The following GLB1L2 variants were observed in gnomAD, a reference collection of about 807,000 sequenced individuals.
GLB1L2 encodes the protein galactosidase beta 1 like 2.
Under a neutral mutation model 84.1 loss-of-function variants are expected in GLB1L2, and 68 were observed. The ratio of observed to expected loss-of-function variants is 0.81; its 90% CI spans 0.67 to 0.99. The LOEUF is 0.99. Ranked by LOEUF, GLB1L2 falls within the 50% of genes least tolerant of loss-of-function variation. The pLI is 0.00. For synonymous variants in GLB1L2, 290 were observed against 318.0 expected (o/e 0.91, Z 0.94); for missense variants, 762 against 805.6 (o/e 0.95, Z 0.66).
Position 134,364,324 on chromosome 11 carries a change from A to T in GLB1L2, c.734-4A>T. The T allele has an allele frequency of 6.2e-7, 1 of 1,612,806 alleles. No homozygotes were observed. The highest frequency in any genetic ancestry group is 1.1e-5 in the South Asian group (1 of 91,002). On this transcript the variant is annotated splice_polypyrimidine_tract_variant and splice_region_variant and intron_variant, in intron 7 of 18. Coordinates refer to ENST00000535456, the MANE Select transcript of GLB1L2 (RefSeq NM_001370461.1). Reference sequence around the variant, plus strand: ...GTCTCTCTCTCTCCTCTTCCCTTTAACAGTCTTGGCCACCATCAACTTGCA... The same window carrying T: ...GTCTCTCTCTCTCCTCTTCCCTTTATCAGTCTTGGCCACCATCAACTTGCA...
chr11:134,341,703 C>T (rs1486182792), intron 1 of GLB1L2, among the ~76,000 whole-genome samples: 2 of 152,178 alleles, frequency 1.3e-5, no homozygotes, highest in African/African-American at 4.8e-5. Flanking sequence ...ATTTCTTTGC[C>T]TGAGAGTGGC....
intron 7 of GLB1L2, chr11:134,360,383 G>GT (rs1313743434): frequency 6.6e-6 from 1 of 152,294 alleles, no homozygotes; most frequent in African/African-American, 2.4e-5. Context: ...CCCAGACCTC[G>GT]TGTCTCCGGC....
chr11:134,374,196 TTTC>T lies in GLB1L2; in HGVS notation c.1653_1655del (p.Phe551del). 6.2e-7 allele frequency: 1 copy of T among 1,614,198 alleles called. No homozygotes were observed. The highest frequency in any genetic ancestry group is 8.5e-7 in the Non-Finnish European group (1 of 1,180,012). ...TCCCAGAAACACCCACATTACCTGC[TTTC>T]TTCTTGGGTAGCTTGTCCATCAGCT... On this transcript the variant is annotated inframe_deletion, in exon 17 of 19. Coordinates refer to ENST00000535456, the MANE Select transcript of GLB1L2 (RefSeq NM_001370461.1).
At chr11:134,362,031 G>C (rs1248084914) in intron 7 of GLB1L2, among the ~76,000 whole-genome samples, 1 of 152,270 alleles carries the variant, frequency 6.6e-6, no homozygotes, top group Admixed American at 6.5e-5. Context: ...CGTGTCTTTC[G>C]TGGTGCTCCA....
At chr11:134,358,161 A>G (rs2136278118) in intron 6 of GLB1L2, among the ~76,000 whole-genome samples, 1 of 152,354 alleles carries the variant, frequency 6.6e-6, no homozygotes, top group East Asian at 1.9e-4. Flanking sequence ...TTCAGCGGAA[A>G]TAAACAGTCT....
At chr11:134,351,545 C>G (rs1014613456) in intron 5 of GLB1L2, among the ~76,000 whole-genome samples, 1 of 151,994 alleles carries the variant, frequency 6.6e-6, no homozygotes, top group Non-Finnish European at 1.5e-5. Flanking sequence ...GGGTTTTACC[C>G]TGTTGATCAG....
chr11:134,351,583 G>A (rs568368907), intron 5 of GLB1L2, among the ~76,000 whole-genome samples: 9 of 152,192 alleles, frequency 5.9e-5, no homozygotes, highest in Admixed American at 2.6e-4. Flanking sequence ...GACCTCAGGT[G>A]ATCCACCTGC....
chr11:134,340,721 G>T (rs1373332062), intron 1 of GLB1L2, among the ~76,000 whole-genome samples: 5 of 152,222 alleles, frequency 3.3e-5, no homozygotes, highest in African/African-American at 1.2e-4. Flanking sequence ...TGCAGGCCAC[G>T]CAGTCTATCG....
At chr11:134,371,530 C>T (rs576535688) in intron 14 of GLB1L2, 38 bp downstream of exon 14, 102 of 1,286,018 alleles carry the variant, frequency 7.9e-5, no homozygotes, top group East Asian at 2.5e-4. Context: ...GGCTAGCCCC[C>T]GCTGCTTCGA....
In GLB1L2 at chr11:134,370,451, T is replaced by A. The variant is rs1364003789; in HGVS notation, c.1215+52T>A. 1 of 1,428,984 alleles carries A rather than the reference T, an allele frequency of 7.0e-7. No homozygotes were observed. Among genetic ancestry groups the A allele is most frequent in the East Asian group, 2.3e-5 (1 of 43,814 alleles). The allele number at this position is 1,428,984 out of a possible 1,614,324, so 88.5% of individuals were successfully genotyped here. ...GGTGAGTGAGTGCCGGGGGCAGTCG[T>A]TGGCAGGGAGGTGAGTGCTGGGGGC... On this transcript the variant is annotated intron_variant, in intron 12 of 18. Coordinates refer to ENST00000535456, the MANE Select transcript of GLB1L2 (RefSeq NM_001370461.1). This position sits in a 1 kb window ranked among gnomAD's most constrained non-coding sequence, Gnocchi z 4.7.
At chr11:134,369,121 T>C (rs909247572) in intron 10 of GLB1L2, among the ~76,000 whole-genome samples, 1 of 152,128 alleles carries the variant, frequency 6.6e-6, no homozygotes, top group African/African-American at 2.4e-5. Context: ...CTCCTTTAGG[T>C]TGAGAGTCCC....
chr11:134,352,979 C>T (rs1943653632), intron 5 of GLB1L2, among the ~76,000 whole-genome samples: 1 of 152,094 alleles, frequency 6.6e-6, no homozygotes, highest in Non-Finnish European at 1.5e-5. Context: ...CTTGTGATTT[C>T]CTCTTTGGAC....
chr11:134,347,553 C>T (rs538829561), intron 5 of GLB1L2, 120 bp downstream of exon 5: 1 of 721,490 alleles, frequency 1.4e-6, no homozygotes, highest in African/African-American at 1.7e-5. Context: ...CAGGCTCTTC[C>T]TCACCGTCCG....
chr11:134,332,074 A>G lies in GLB1L2; in HGVS notation c.13A>G (p.Ser5Gly). Residue 5 changes from serine to glycine, a missense_variant, in exon 1 of 19, where the codon AGC becomes GGC. This residue lies in a region of GLB1L2 where 100 missense variants were observed against 88.8 expected (regional missense o/e 1.13). Coordinates refer to ENST00000535456, the MANE Select transcript of GLB1L2 (RefSeq NM_001370461.1). ...TAGAGAACACGCGATGACCACGTGG[A>G]GCCTCCGGCGGAGGCCGGCCCGCAC... The part of the protein sequence containing the change: MTTW[S>G]LRRRPARTLG... 1.3e-6 allele frequency: 2 copies of G among 1,582,082 alleles called. No individual in the cohort carries two copies. The highest frequency in any genetic ancestry group is 1.7e-6 in the Non-Finnish European group (2 of 1,166,082).
intron 5 of GLB1L2, among the ~76,000 whole-genome samples, chr11:134,348,681 G>A (rs1212289040): frequency 3.3e-5 from 5 of 152,176 alleles, no homozygotes; most frequent in African/African-American, 1.2e-4. Flanking sequence ...ACACTGTTGT[G>A]TGCTCATCTC....
At chr11:134,368,594 T>C in intron 9 of GLB1L2, 50 bp from the exon 10 acceptor site, 1 of 1,606,456 alleles carries the variant, frequency 6.2e-7, no homozygotes, top group East Asian at 2.2e-5. Flanking sequence ...CCCCGGCTCA[T>C]CTCAGACTTT....
intron 7 of GLB1L2, chr11:134,360,696 TAAAAGTGAAA>T (rs1943773111): frequency 1.3e-5 from 2 of 152,098 alleles, no homozygotes; most frequent in Non-Finnish European, 2.9e-5. Flanking sequence ...TTAAATGGTC[TAAAAGTGAAA>T]TAATCGAAAA....
intron 5 of GLB1L2, among the ~76,000 whole-genome samples, chr11:134,353,345 G>A (rs973067443): frequency 6.6e-6 from 1 of 152,178 alleles, no homozygotes; most frequent in Non-Finnish European, 1.5e-5. Context: ...GGGAGATGGA[G>A]GTTGCAGTGA....
At chr11:134,347,464 G>T (rs763826797) in intron 5 of GLB1L2, 31 bp downstream of exon 5, 3 of 1,468,050 alleles carry the variant, frequency 2.0e-6, no homozygotes, top group Admixed American at 1.7e-5. Flanking sequence ...CTTTGATCTT[G>T]GTCTGTCTTC....
Sources: allele counts gnomAD v4.1 joint callset (sites outside exome capture counted in the v4.1 genomes callset), GRCh38; gene constraint gnomAD v4.1.1; regional missense constraint gnomAD v4.1.1; non-coding constraint Gnocchi (gnomAD v3.1); transcripts MANE v1.5; gene names NCBI Gene and HGNC (gene_info 2026-07-23, HGNC 2026-07-21).